FKBP5: variants seen among roughly 807,000 people sequenced by gnomAD.
FKBP5 encodes the protein peptidyl-prolyl cis-trans isomerase FKBP5.
FKBP5 carries 23 observed loss-of-function variants against 50.5 expected under a neutral mutation model. That is an observed-to-expected ratio of 0.46 (90% CI 0.33 to 0.65). The LOEUF is 0.65. FKBP5 is among the 30% of genes least tolerant of loss of function. FKBP5 has a pLI of 0.02. For missense variants in FKBP5, 411 were observed against 553.1 expected, an observed-to-expected ratio of 0.74 and a Z score of 2.58; for synonymous variants, 176 against 190.6, an observed-to-expected ratio of 0.92 and a Z score of 0.63.
intron 1 of FKBP5, among the ~76,000 whole-genome samples, chr6:35,662,914 CAA>C (rs896947081): frequency 2.6e-5 from 4 of 152,086 alleles, no homozygotes; most frequent in African/African-American, 9.6e-5. Context: ...TTTGTGAAGG[CAA>C]AGAAACATTT....
At chr6:35,668,291 T>C (rs1765285539) in intron 1 of FKBP5, among the ~76,000 whole-genome samples, 1 of 152,218 alleles carries the variant, frequency 6.6e-6, no homozygotes, top group East Asian at 1.9e-4. Flanking sequence ...GACTTTCCTC[T>C]GGGAAGCCCT....
At chr6:35,648,383 T>G (rs770057566) in intron 1 of FKBP5, among the ~76,000 whole-genome samples, 42 of 152,172 alleles carry the variant, frequency 2.8e-4, no homozygotes, top group Non-Finnish European at 5.4e-4. Flanking sequence ...AATCCTCCCC[T>G]TCAGCCACCC....
chr6:35,688,487 C>T (rs1765900740), intron 1 of FKBP5, among the ~76,000 whole-genome samples: 1 of 151,816 alleles, frequency 6.6e-6, no homozygotes, highest in South Asian at 2.1e-4. Flanking sequence ...ACCCGCCTCG[C>T]CTCTGCCGGG....
At chr6:35,669,587 C>T (rs1765328073) in intron 1 of FKBP5, among the ~76,000 whole-genome samples, 1 of 152,094 alleles carries the variant, frequency 6.6e-6, no homozygotes, top group South Asian at 2.1e-4. Context: ...GCTCTAGAGG[C>T]AATACATAAA....
chr6:35,683,118 A>ATGTGTG lies in FKBP5; in HGVS notation c.-20+5685_-20+5686insCACACA, dbSNP rs1269365673. Among the ~76,000 whole-genome samples, 136 of 108,846 alleles carry ATGTGTG rather than the reference A, an allele frequency of 1.2e-3. 10 individuals carry two copies. The highest frequency in any genetic ancestry group is 4.6e-3 in the Middle Eastern group (1 of 216). 71.4% of individuals were successfully genotyped at this position (108,846 alleles called of 152,430 possible). A position where few individuals can be genotyped will look rare whatever the true frequency, so the allele number is the denominator to read the frequency against. ...AAAGTGTGTGTGTATATATATACGT[A>ATGTGTG]TATGTGTGTGTGTGTGTGTGTGTGT... On this transcript the variant is annotated intron_variant, in intron 1 of 10. Transcript: ENST00000357266.
At chr6:35,662,945 A>G (rs1765111975) in intron 1 of FKBP5, among the ~76,000 whole-genome samples, 1 of 152,204 alleles carries the variant, frequency 6.6e-6, no homozygotes. Flanking sequence ...AATAATTATT[A>G]TTAGGTAGAA....
rs374195227 is a variant in FKBP5 at position 35,705,417 on chromosome 6, C to T, written c.-20+14911G>A. On this transcript the variant is annotated intron_variant, in intron 2 of 11. Coordinates refer to the FKBP5 transcript ENST00000536438. ...GAGTAGCTGGGATTACAGGCACACA[C>T]CACCATGCTCGGCTAATTTTTGTAT... Among the ~76,000 whole-genome samples the T allele has an allele frequency of 8.8e-3, 1,333 of 150,664 alleles. 21 individuals carry two copies. Among genetic ancestry groups the T allele is most frequent in the African/African-American group, 0.03 (1,252 of 41,164 alleles).
intron 9 of FKBP5, among the ~76,000 whole-genome samples, chr6:35,577,540 C>G (rs1316740836): frequency 6.6e-6 from 1 of 152,164 alleles, no homozygotes; most frequent in African/African-American, 2.4e-5. Context: ...ATAAGAGGCA[C>G]TTGTCTTACC....
chr6:35,708,626 T>C (rs1452543044), intron 2 of FKBP5, among the ~76,000 whole-genome samples: 2 of 152,120 alleles, frequency 1.3e-5, no homozygotes, highest in African/African-American at 4.8e-5. Flanking sequence ...CAGAGATTGT[T>C]AGTTGTGCCC....
chr6:35,588,351 G>A (rs1199659455), intron 7 of FKBP5, among the ~76,000 whole-genome samples: 1 of 151,986 alleles, frequency 6.6e-6, no homozygotes, highest in Non-Finnish European at 1.5e-5. Flanking sequence ...TAATAAAAGG[G>A]TTACTCATCT....
chr6:35,594,882 C>G (rs1051727420), intron 6 of FKBP5, among the ~76,000 whole-genome samples: 4 of 152,120 alleles, frequency 2.6e-5, no homozygotes, highest in Admixed American at 6.6e-5. Flanking sequence ...TTTATGAAAA[C>G]CTATTGACAA....
rs1442369188 is a variant in FKBP5 at position 35,710,337 on chromosome 6, G to A, written c.-20+9991C>T. Among the ~76,000 whole-genome samples the A allele has an allele frequency of 2.6e-5, 4 of 152,044 alleles. No individual in the cohort carries two copies. The East Asian group carries it at 7.7e-4, about 29-fold the overall frequency. On this transcript the variant is annotated intron_variant, in intron 2 of 11. Coordinates refer to the FKBP5 transcript ENST00000536438. ...TACAAAACATAAAACAATTAACTGG[G>A]CATGGTGGTGTGCCTGCAGTTCCAG...
chr6:35,581,589 A>C (rs1213706862), intron 8 of FKBP5: 1 of 29,094 alleles, frequency 3.4e-5, no homozygotes, highest in Non-Finnish European at 4.5e-5. Flanking sequence ...GACTCCTCAA[A>C]AACAAAACAA....
rs147241922 is a variant in FKBP5, at chr6:35,676,510, G to C, written c.-20+12294C>G. On this transcript the variant is annotated intron_variant, in intron 1 of 10. Coordinates refer to ENST00000357266, the MANE Select transcript of FKBP5 (RefSeq NM_004117.4). ...GCCCAAGATCATACAGCAACTTAGT[G>C]GCAACACTCCTGAATCTCATTCCAG... Among the ~76,000 whole-genome samples the C allele has an allele frequency of 1.3e-3, 200 of 152,330 alleles. 1 individual carries two copies. The highest frequency in any genetic ancestry group is 2.1e-3 in the Non-Finnish European group (141 of 68,036).
At chr6:35,578,938 C>T (rs1762324216) in intron 9 of FKBP5, among the ~76,000 whole-genome samples, 1 of 151,384 alleles carries the variant, frequency 6.6e-6, no homozygotes, top group Admixed American at 6.6e-5. Context: ...TTTGGAAGAC[C>T]CCCATCTCTA....
chr6:35,653,478 T>C (rs1006426752), intron 1 of FKBP5, among the ~76,000 whole-genome samples: 1 of 152,244 alleles, frequency 6.6e-6, no homozygotes, highest in Non-Finnish European at 1.5e-5. Context: ...TGATGGCTTT[T>C]TGTTTTAATG....
At chr6:35,655,341 T>C (rs950131726) in intron 1 of FKBP5, among the ~76,000 whole-genome samples, 2 of 152,130 alleles carry the variant, frequency 1.3e-5, no homozygotes, top group Admixed American at 1.3e-4. Context: ...AACTTACATT[T>C]TGATAAGGGT....
intron 5 of FKBP5, among the ~76,000 whole-genome samples, chr6:35,614,419 G>A (rs947849155): frequency 2.6e-5 from 4 of 151,984 alleles, no homozygotes; most frequent in Admixed American, 6.6e-5. Context: ...AAAATAAAAC[G>A]AATAATTAAA....
chr6:35,653,207 A>G (rs1258095393), intron 1 of FKBP5, among the ~76,000 whole-genome samples: 1 of 152,178 alleles, frequency 6.6e-6, no homozygotes, highest in African/African-American at 2.4e-5. Context: ...TTTAAAAATT[A>G]GCTGGGTATT....
Sources: gnomAD v4.1 joint callset for allele counts (sites outside exome capture counted in the v4.1 genomes callset) on GRCh38, gnomAD v4.1.1 for gene constraint, MANE v1.5 for transcripts, NCBI Gene and HGNC (gene_info 2026-07-23, HGNC 2026-07-21) for gene names.